Variants in TLN2 observed in about 807,000 individuals in gnomAD.
The protein encoded by TLN2 is talin-2.
In TLN2, 118 loss-of-function variants were observed where a neutral mutation model predicts 294.7. The observed-to-expected ratio is 0.40, with a 90% CI of 0.34 to 0.47. The LOEUF is 0.47. Ranked by LOEUF, TLN2 falls within the 20% of genes least tolerant of loss-of-function variation. The pLI, the probability that TLN2 is intolerant of heterozygous loss-of-function variation, is 0.84. For missense variants in TLN2, 3,083 were observed against 3,282.2 expected, an observed-to-expected ratio of 0.94 and a Z score of 1.48; for synonymous variants, 1,431 against 1,304.5, an observed-to-expected ratio of 1.10 and a Z score of -2.09.
intron 1 of TLN2, among the ~76,000 whole-genome samples, chr15:62,449,066 A>G (rs959258206): frequency 6.6e-6 from 1 of 152,246 alleles, no homozygotes. Context: ...AATATAAAAT[A>G]GTGAATGCTG....
chr15:62,793,100 C>T (rs538145644), intron 46 of TLN2, among the ~76,000 whole-genome samples: 228 of 152,356 alleles, frequency 1.5e-3, no homozygotes, highest in Non-Finnish European at 2.9e-3. Context: ...CCAGGAGCCC[C>T]TGGTCAGGGG....
At chr15:62,749,760 A>G (rs1220509995) in intron 33 of TLN2, among the ~76,000 whole-genome samples, 1 of 152,250 alleles carries the variant, frequency 6.6e-6, no homozygotes, top group African/African-American at 2.4e-5. Context: ...GTGGTGATCA[A>G]GTTCATTACA....
intron 1 of TLN2, among the ~76,000 whole-genome samples, chr15:62,568,273 C>G (rs1017456586): frequency 1.3e-5 from 2 of 151,972 alleles, no homozygotes; most frequent in African/African-American, 4.8e-5. Context: ...GAGTGGAGCC[C>G]GAGCAGGCAG....
At chr15:62,826,537 C>T (rs866971979) in intron 54 of TLN2, among the ~76,000 whole-genome samples, 1 of 152,248 alleles carries the variant, frequency 6.6e-6, no homozygotes, top group Middle Eastern at 3.4e-3. Flanking sequence ...GGAGGTGTAC[C>T]TTTTGTTTGA....
At position 62,739,392 on chromosome 15, in the gene TLN2, G is replaced by A. The variant is rs751787465; in HGVS notation, c.3732G>A (p.Leu1244=). Residue 1244 remains leucine, a synonymous_variant, in exon 31 of 59, where the codon CTG becomes CTA. Coordinates refer to ENST00000636159, the MANE Select transcript of TLN2 (RefSeq NM_015059.3). Reference sequence around the variant, plus strand: ...CTTTCCAGGAAGCCCAGAGTGAACTGAACCAGGCAGCAGCTGATCTGAACC... The same window carrying A: ...CTTTCCAGGAAGCCCAGAGTGAACTAAACCAGGCAGCAGCTGATCTGAACC... The part of the protein sequence containing the change: ...TKPFQEAQSE[L]NQAAADLNQS... 2 of 1,614,158 alleles carry A rather than the reference G, an allele frequency of 1.2e-6. No individual in the cohort carries two copies. The highest frequency in any genetic ancestry group is 1.7e-6 in the Non-Finnish European group (2 of 1,180,026).
chr15:62,805,756 G>A lies in TLN2; in HGVS notation c.6634G>A (p.Ala2212Thr). The change falls in exon 51 of 59, where the codon GCC (alanine) becomes ACC (threonine). Residue 2212 changes from alanine (A) to threonine (T), a missense_variant. Coordinates refer to ENST00000636159, the MANE Select transcript of TLN2 (RefSeq NM_015059.3). Reference sequence around the variant, plus strand: ...TGCTACTGCCAACCTGAGCCGGAAAGCCGTGTCAGATATGTTGACGGCTTG... The same window carrying A: ...TGCTACTGCCAACCTGAGCCGGAAAACCGTGTCAGATATGTTGACGGCTTG... ...VIATANLSRK[A>T]VSDMLTACKQ... 2 of 1,614,088 alleles carry A rather than the reference G, an allele frequency of 1.2e-6. No homozygotes were observed. The highest frequency in any genetic ancestry group is 8.5e-7 in the Non-Finnish European group (1 of 1,179,952).
chr15:62,505,208 C>T (rs1374925324), intron 1 of TLN2, among the ~76,000 whole-genome samples: 4 of 152,238 alleles, frequency 2.6e-5, no homozygotes, highest in East Asian at 1.9e-4. Context: ...CCGCCCACCT[C>T]GGCCTCCCAA....
chr15:62,493,230 C>T (rs1050492484), intron 1 of TLN2, among the ~76,000 whole-genome samples: 17 of 152,206 alleles, frequency 1.1e-4, no homozygotes, highest in Admixed American at 9.8e-4. Context: ...TTGCCAGAAA[C>T]AGCAGAGCCA....
chr15:62,561,830 C>T lies in TLN2; in HGVS notation c.-237-27857C>T, dbSNP rs547601633. 9.2e-5 allele frequency among the ~76,000 whole-genome samples: 14 copies of T among 152,246 alleles called. No homozygotes were observed. In the South Asian group the frequency reaches 2.9e-3, roughly 32 times the overall value. The stretch of plus-strand genomic sequence containing the variant: ...TCCCTGCTGCTTCCTCTTGCAGTAT[C>T]CTGCTCCCTACCCCACTTTTTCTTT... On this transcript the variant is annotated intron_variant, in intron 1 of 58. Transcript: ENST00000636159.
chr15:62,406,173 T>C (rs1266115048), intron 1 of TLN2, among the ~76,000 whole-genome samples: 1 of 152,210 alleles, frequency 6.6e-6, no homozygotes. Context: ...TCATAGAAAT[T>C]TACTGTGTCA....
chr15:62,697,376 T>A (rs1336178377), intron 14 of TLN2, among the ~76,000 whole-genome samples: 1 of 152,180 alleles, frequency 6.6e-6, no homozygotes, highest in Non-Finnish European at 1.5e-5. Context: ...CCAAAAGGGC[T>A]GGGATTACAG....
At chr15:62,475,832 A>G (rs1190314907) in intron 1 of TLN2, among the ~76,000 whole-genome samples, 1 of 152,204 alleles carries the variant, frequency 6.6e-6, no homozygotes, top group Non-Finnish European at 1.5e-5. Flanking sequence ...TTGTCTCTTC[A>G]GTTAGGAGTC....
At chr15:62,503,792 GAACCTGGAAGC>G (rs2039435277) in intron 1 of TLN2, among the ~76,000 whole-genome samples, 1 of 152,160 alleles carries the variant, frequency 6.6e-6, no homozygotes, top group Non-Finnish European at 1.5e-5. Flanking sequence ...GCTTGTCAGA[GAACCTGGAAGC>G]CTCACTTAGC....
At chr15:62,523,239 A>G (rs189746801) in intron 1 of TLN2, among the ~76,000 whole-genome samples, 1 of 152,332 alleles carries the variant, frequency 6.6e-6, no homozygotes, top group Non-Finnish European at 1.5e-5. Context: ...TGGGCAATTA[A>G]GTTGGGGAAG....
At position 62,745,807 on chromosome 15, in the gene TLN2, C is replaced by T. The variant is rs57248103; in HGVS notation, c.4026-2544C>T. Among the ~76,000 whole-genome samples, 43 of 152,234 alleles carry T rather than the reference C, an allele frequency of 2.8e-4. No homozygotes were observed. The East Asian group carries it at 6.9e-3, about 25-fold the overall frequency. Reference sequence around the variant, plus strand: ...TTTTTCATTGTCAAATTTACATAACCGTTTGCCTCTGGACCACTTAGCACG... The same window carrying T: ...TTTTTCATTGTCAAATTTACATAACTGTTTGCCTCTGGACCACTTAGCACG... On this transcript the variant is annotated intron_variant, in intron 32 of 58. Coordinates refer to ENST00000636159, the MANE Select transcript of TLN2 (RefSeq NM_015059.3).
intron 1 of TLN2, among the ~76,000 whole-genome samples, chr15:62,568,350 G>T (rs545345654): frequency 1.4e-4 from 22 of 152,316 alleles, no homozygotes; most frequent in South Asian, 1.2e-3. Context: ...GCAAACCATC[G>T]CATTCTGTCT....
intron 13 of TLN2, among the ~76,000 whole-genome samples, chr15:62,693,982 T>C (rs2058130310): frequency 2.0e-5 from 1 of 50,674 alleles, no homozygotes; most frequent in Admixed American, 2.0e-4. Flanking sequence ...TTTTTTTTTT[T>C]TTTTGAGACA....
At chr15:62,629,781 T>C (rs1455500569) in intron 3 of TLN2, among the ~76,000 whole-genome samples, 1 of 152,242 alleles carries the variant, frequency 6.6e-6, no homozygotes. Flanking sequence ...CATTTTGTTT[T>C]TGGGACCCAA....
intron 1 of TLN2, among the ~76,000 whole-genome samples, chr15:62,572,795 TC>T (rs201772826): frequency 1.4e-5 from 2 of 142,250 alleles, no homozygotes; most frequent in East Asian, 2.7e-4. Flanking sequence ...TGACCCTGGG[TC>T]TGGAGGCAGG....
Sources: gnomAD v4.1 joint callset for allele counts (sites outside exome capture counted in the v4.1 genomes callset) on GRCh38, gnomAD v4.1.1 for gene constraint, MANE v1.5 for transcripts, NCBI Gene and HGNC (gene_info 2026-07-23, HGNC 2026-07-21) for gene names.